Variants in DYNC2I2 observed in about 807,000 individuals in gnomAD.
The protein encoded by DYNC2I2 is dynein 2 intermediate chain 2.
In DYNC2I2, 39 loss-of-function variants were observed where a neutral mutation model predicts 52.0. The ratio of observed to expected loss-of-function variants is 0.75; its 90% CI spans 0.58 to 0.98. The LOEUF is 0.98. DYNC2I2 is among the 50% of genes least tolerant of loss of function. The probability of loss-of-function intolerance (pLI) is 0.00; values close to 1 mark genes in which losing one functional copy is unlikely to be tolerated. For missense variants in DYNC2I2, 743 were observed against 728.4 expected (o/e 1.02, Z -0.23); for synonymous variants, 359 against 321.1 (o/e 1.12, Z -1.26).
the DYNC2I2 span, among the ~76,000 whole-genome samples, chr9:128,670,915 A>G: frequency 2.6e-5 from 4 of 151,730 alleles, no homozygotes; most frequent in East Asian, 3.9e-4. Flanking sequence ...TAAAAATACA[A>G]AATCAGCCAG....
chr9:128,682,765 T>G, the DYNC2I2 span, among the ~76,000 whole-genome samples: 2 of 137,212 alleles, frequency 1.5e-5, no homozygotes, highest in African/African-American at 5.5e-5. Flanking sequence ...AAGCTCCGCC[T>G]CCCGGGTTCA....
chr9:128,649,447 G>A (rs1489056241), intron 1 of DYNC2I2, among the ~76,000 whole-genome samples: 1 of 149,908 alleles, frequency 6.7e-6, no homozygotes, highest in Non-Finnish European at 1.5e-5. Context: ...CCAGCACTTT[G>A]GGAGGCCAAG....
chr9:128,636,701 C>G (rs769813549), intron 3 of DYNC2I2, among the ~76,000 whole-genome samples: 2 of 152,134 alleles, frequency 1.3e-5, no homozygotes, highest in Non-Finnish European at 2.9e-5. Flanking sequence ...CAGGCAGGCC[C>G]AGGGCCTCCA....
chr9:128,644,274 C>CTT (rs1860571586), intron 1 of DYNC2I2, among the ~76,000 whole-genome samples: 7 of 7,860 alleles, frequency 8.9e-4, no homozygotes, highest in Admixed American at 2.4e-3. Context: ...ACCCAGGCGG[C>CTT]CTTTTTTTTT....
At chr9:128,671,424 C>G in the DYNC2I2 span, among the ~76,000 whole-genome samples, 2 of 151,466 alleles carry the variant, frequency 1.3e-5, no homozygotes, top group African/African-American at 2.4e-5. Flanking sequence ...GCCTCAGCCC[C>G]CCAAGTAGTT....
At position 128,642,453 on chromosome 9, in the gene DYNC2I2, CAAA is replaced by C. The variant is rs34018869; in HGVS notation, c.187-1517_187-1515del. On this transcript the variant is annotated intron_variant, in intron 1 of 8. Coordinates refer to ENST00000372715, the MANE Select transcript of DYNC2I2 (RefSeq NM_052844.4). The stretch of plus-strand genomic sequence containing the variant: ...CCTGGCCTATGGTAGGAGACTTTCT[CAAA>C]AAAAAAAAAAAAAAAAAAAAATTAC... Among the ~76,000 whole-genome samples, 461 of 78,434 alleles carry C rather than the reference CAAA, an allele frequency of 5.9e-3. 1 individual carries two copies. Among genetic ancestry groups the C allele is most frequent in the African/African-American group, 0.012 (244 of 19,528 alleles). The allele number at this position is 78,434 out of a possible 152,430, so 51.5% of individuals were successfully genotyped here. A position where few individuals can be genotyped will look rare whatever the true frequency, so the allele number is the denominator to read the frequency against.
the DYNC2I2 span, among the ~76,000 whole-genome samples, chr9:128,682,804 T>C: frequency 6.7e-5 from 10 of 149,032 alleles, no homozygotes; most frequent in Admixed American, 1.4e-4. Flanking sequence ...GCCTCGTGAG[T>C]AGCTGGGACT....
At chr9:128,663,828 A>AT in the DYNC2I2 span, among the ~76,000 whole-genome samples, 3 of 145,164 alleles carry the variant, frequency 2.1e-5, no homozygotes, top group East Asian at 4.1e-4. Flanking sequence ...AATTTTTTGT[A>AT]TTTTTTGTAG....
rs758363728 is a variant in DYNC2I2 at position 128,636,414 on chromosome 9, C to T, written c.570G>A (p.Thr190=). 48 of 1,608,272 alleles carry T rather than the reference C, an allele frequency of 3.0e-5. No individual in the cohort carries two copies. Among genetic ancestry groups the T allele is most frequent in the African/African-American group, 1.2e-4 (9 of 74,884 alleles). ...YGRLDHGDWS[T]LKSFVCAWNL... ...TCCAGGCACACACGAAGGACTTAAGCGTGCTCCAGTCCCCATGGTCCAGCC... is the reference window on the plus strand; with the variant it reads ...TCCAGGCACACACGAAGGACTTAAGTGTGCTCCAGTCCCCATGGTCCAGCC... The change falls in exon 4 of 9, where the codon ACG becomes ACA. Residue 190 remains threonine, a synonymous_variant. Transcript: ENST00000372715.
At chr9:128,642,934 C>T (rs560229634) in intron 1 of DYNC2I2, among the ~76,000 whole-genome samples, 38 of 151,898 alleles carry the variant, frequency 2.5e-4, no homozygotes, top group Admixed American at 1.3e-3. Flanking sequence ...TGCAGAGGCA[C>T]GAGAAAGGAA....
intron 4 of DYNC2I2, chr9:128,636,071 G>GCCCCGA (rs1860405199): frequency 2.3e-6 from 2 of 852,766 alleles, no homozygotes; most frequent in Non-Finnish European, 3.9e-6. Context: ...CCCTGTCCTG[G>GCCCCGA]CCCCGACCCT....
intron 1 of DYNC2I2, among the ~76,000 whole-genome samples, chr9:128,655,770 GC>G (rs1170107921): frequency 6.6e-6 from 1 of 151,046 alleles, no homozygotes; most frequent in Non-Finnish European, 1.5e-5. Flanking sequence ...AATTAGCCAG[GC>G]GTGCTGGCGG....
chr9:128,645,554 T>C (rs577158297), intron 1 of DYNC2I2, among the ~76,000 whole-genome samples: 7 of 123,598 alleles, frequency 5.7e-5, no homozygotes, highest in South Asian at 5.0e-4. Context: ...AAAGCAGAGG[T>C]TGCAATGAGC....
At chr9:128,639,800 GAAC>G (rs1313027115) in intron 2 of DYNC2I2, among the ~76,000 whole-genome samples, 1 of 151,830 alleles carries the variant, frequency 6.6e-6, no homozygotes, top group African/African-American at 2.4e-5. Flanking sequence ...CGAGTAGCTG[GAAC>G]AACAGGCGTG....
chr9:128,665,643 G>A, the DYNC2I2 span, among the ~76,000 whole-genome samples: 1 of 151,658 alleles, frequency 6.6e-6, no homozygotes, highest in East Asian at 1.9e-4. Context: ...GATGGCACAC[G>A]CCCGTAATCC....
upstream of DYNC2I2, among the ~76,000 whole-genome samples, chr9:128,660,064 CAAA>C (rs752364787): frequency 1.4e-5 from 1 of 73,722 alleles, no homozygotes. Context: ...GAGACCCTGT[CAAA>C]AAAAAAAAAA....
the DYNC2I2 span, among the ~76,000 whole-genome samples, chr9:128,669,484 G>A: frequency 6.6e-6 from 1 of 152,182 alleles, no homozygotes; most frequent in East Asian, 1.9e-4. Context: ...GATCACCTGA[G>A]GTCGGGAGTT....
At chr9:128,636,853 G>C in intron 3 of DYNC2I2, 65 bp downstream of exon 3, 1 of 1,281,708 alleles carries the variant, frequency 7.8e-7, no homozygotes, top group Non-Finnish European at 1.1e-6. Context: ...TGCAGCTACA[G>C]AGACAAGGCC....
At chr9:128,636,076 G>A (rs983528875) in intron 4 of DYNC2I2, 33 of 874,446 alleles carry the variant, frequency 3.8e-5, no homozygotes, top group African/African-American at 2.4e-4. Context: ...TCCTGGCCCC[G>A]ACCCTGGCCC....
Sources: gnomAD v4.1 joint callset for allele counts (sites outside exome capture counted in the v4.1 genomes callset) on GRCh38, gnomAD v4.1.1 for gene constraint, MANE v1.5 for transcripts, NCBI Gene and HGNC (gene_info 2026-07-23, HGNC 2026-07-21) for gene names.